The following MSI2 variants were observed in gnomAD, a reference collection of about 807,000 sequenced individuals.
MSI2 encodes the protein RNA-binding protein Musashi homolog 2.
MSI2 carries 17 observed loss-of-function variants against 45.6 expected under a neutral mutation model. The ratio of observed to expected loss-of-function variants is 0.37; its 90% CI spans 0.26 to 0.56. The LOEUF (loss-of-function observed/expected upper bound fraction) is 0.56. MSI2 is among the 20% of genes least tolerant of loss of function. The pLI is 0.77. For missense variants in MSI2, 293 were observed against 444.2 expected (o/e 0.66, Z 3.06); for synonymous variants, 156 against 158.2 (o/e 0.99, Z 0.11).
At chr17:57,632,357 G>A in intron 10 of MSI2, 1 of 1,066,824 alleles carries the variant, frequency 9.4e-7, no homozygotes, top group Non-Finnish European at 1.1e-6. Context: ...TCTGGAAGAG[G>A]AGCTATATAA....
intron 5 of MSI2, among the ~76,000 whole-genome samples, chr17:57,356,526 C>G (rs1003650303): frequency 3.9e-5 from 6 of 152,128 alleles, no homozygotes; most frequent in Admixed American, 3.9e-4. Flanking sequence ...CCCCCCTCCC[C>G]CAAAGACGAA....
Position 57,423,931 on chromosome 17 carries a change from C to A in MSI2, c.405+22460C>A, listed in dbSNP as rs368548566. 3.9e-5 allele frequency among the ~76,000 whole-genome samples: 6 copies of A among 152,302 alleles called. No homozygotes were observed. The East Asian group carries it at 9.6e-4, about 24-fold the overall frequency. On this transcript the variant is annotated intron_variant, in intron 6 of 13. Transcript: ENST00000284073. ...TTTAATGTACCCTATAAAATATGTG[C>A]TCTTGTGAAAGCAAGCACAGATAAT...
intron 7 of MSI2, among the ~76,000 whole-genome samples, chr17:57,569,435 T>C (rs773305351): frequency 1.3e-4 from 20 of 152,202 alleles, no homozygotes; most frequent in Non-Finnish European, 2.8e-4. Flanking sequence ...ATTGTGGTCA[T>C]GAGGAGAGTC....
chr17:57,699,587 G>A, the MSI2 span, among the ~76,000 whole-genome samples: 1 of 152,108 alleles, frequency 6.6e-6, no homozygotes, highest in East Asian at 1.9e-4. Flanking sequence ...ATCACTTCCA[G>A]TTGGCTGGTC....
At chr17:57,403,425 A>C (rs180952545) in intron 6 of MSI2, among the ~76,000 whole-genome samples, 21 of 152,292 alleles carry the variant, frequency 1.4e-4, no homozygotes, top group Admixed American at 7.2e-4. Context: ...CCCTTAGAAC[A>C]GTTGTCCTTT....
intron 5 of MSI2, among the ~76,000 whole-genome samples, chr17:57,356,984 C>T (rs766611694): frequency 2.6e-5 from 4 of 152,114 alleles, no homozygotes; most frequent in Non-Finnish European, 5.9e-5. Flanking sequence ...CCGGTTGAGA[C>T]GCTCCAACAT....
intron 5 of MSI2, among the ~76,000 whole-genome samples, chr17:57,323,181 C>T (rs920232283): frequency 2.6e-5 from 4 of 152,104 alleles, no homozygotes; most frequent in African/African-American, 9.7e-5. Flanking sequence ...AGATTCCCAC[C>T]CCCAAGGCAT....
intron 8 of MSI2, among the ~76,000 whole-genome samples, chr17:57,602,423 G>A (rs1905999292): frequency 6.6e-6 from 1 of 152,280 alleles, no homozygotes; most frequent in African/African-American, 2.4e-5. Flanking sequence ...CACGATCTCG[G>A]CTTACCACAA....
At chr17:57,405,950 G>A (rs1419716053) in intron 6 of MSI2, among the ~76,000 whole-genome samples, 1 of 152,188 alleles carries the variant, frequency 6.6e-6, no homozygotes, top group Non-Finnish European at 1.5e-5. Context: ...AGATCACTCA[G>A]CCCATGCTGA....
intron 6 of MSI2, among the ~76,000 whole-genome samples, chr17:57,434,489 C>G (rs1220540189): frequency 1.3e-5 from 2 of 152,206 alleles, no homozygotes. Context: ...CTACTCCTGT[C>G]TAACTGAAAC....
chr17:57,410,727 T>C (rs573591828), intron 6 of MSI2, among the ~76,000 whole-genome samples: 1 of 152,324 alleles, frequency 6.6e-6, no homozygotes, highest in Non-Finnish European at 1.5e-5. Flanking sequence ...TCGAGGTCGC[T>C]AACCATCTTT....
downstream of MSI2, among the ~76,000 whole-genome samples, chr17:57,689,618 C>T (rs759736309): frequency 6.6e-6 from 1 of 152,152 alleles, no homozygotes; most frequent in Non-Finnish European, 1.5e-5. Flanking sequence ...ATACTATACA[C>T]CTGTTTAACT....
intron 5 of MSI2, among the ~76,000 whole-genome samples, chr17:57,283,229 G>C (rs765541586): frequency 7.9e-5 from 12 of 152,202 alleles, no homozygotes; most frequent in Non-Finnish European, 1.2e-4. Flanking sequence ...ATTTCACTAA[G>C]GGCGGAATCT....
At chr17:57,459,871 G>A (rs1026266521) in intron 6 of MSI2, among the ~76,000 whole-genome samples, 2 of 151,992 alleles carry the variant, frequency 1.3e-5, no homozygotes, top group African/African-American at 4.8e-5. Flanking sequence ...GCTCACACCT[G>A]TAATCTCAGC....
Position 57,479,309 on chromosome 17 carries a change from T to C in MSI2, c.406-50367T>C, listed in dbSNP as rs1311529657. 3.3e-5 allele frequency among the ~76,000 whole-genome samples: 5 copies of C among 152,266 alleles called. No homozygotes were observed. The East Asian group carries it at 9.7e-4, about 29-fold the overall frequency. On this transcript the variant is annotated intron_variant, in intron 6 of 13. Transcript: ENST00000284073. ...CCCTTTTGCCTTGCGTACTGGGGCA[T>C]GCAGGATTTGGAGATGGGAAAGGTT...
intron 8 of MSI2, 131 bp from the exon 9 acceptor site, chr17:57,615,839 C>T (rs1461796713): frequency 1.7e-5 from 11 of 661,056 alleles, no homozygotes; most frequent in South Asian, 3.7e-5. Flanking sequence ...GCCATTTACT[C>T]GGCATGGCTA....
intron 6 of MSI2, among the ~76,000 whole-genome samples, chr17:57,445,558 G>T (rs2084882724): frequency 6.6e-6 from 1 of 151,684 alleles, no homozygotes; most frequent in South Asian, 2.1e-4. Context: ...CGGTGGGGGG[G>T]GGTGCATTTA....
intron 6 of MSI2, among the ~76,000 whole-genome samples, chr17:57,409,857 A>T (rs887124354): frequency 2.2e-4 from 33 of 151,860 alleles, no homozygotes; most frequent in Admixed American, 1.6e-3. Context: ...AAATACAAAA[A>T]ATTAACTGAG....
At chr17:57,325,610 C>T (rs1196891898) in intron 5 of MSI2, among the ~76,000 whole-genome samples, 6 of 152,184 alleles carry the variant, frequency 3.9e-5, no homozygotes, top group Non-Finnish European at 7.3e-5. Context: ...GGGTGTGCAG[C>T]GGCTATTCCT....
Sources: allele counts gnomAD v4.1 joint callset (sites outside exome capture counted in the v4.1 genomes callset), GRCh38; gene constraint gnomAD v4.1.1; transcripts MANE v1.5; gene names NCBI Gene and HGNC (gene_info 2026-07-23, HGNC 2026-07-21).